The following BAHCC1 variants were observed in gnomAD, a reference collection of about 807,000 sequenced individuals.
BAHCC1 encodes the protein BAH domain and coiled-coil containing 1.
BAHCC1 carries 43 observed loss-of-function variants against 88.2 expected under a neutral mutation model. That is an observed-to-expected ratio of 0.49 (90% CI 0.38 to 0.63). BAHCC1 has a LOEUF of 0.63. Ranked by LOEUF, BAHCC1 falls within the 20% of genes least tolerant of loss-of-function variation. The pLI is 0.00. For missense variants in BAHCC1, 3,023 were observed against 1,654.8 expected (o/e 1.83, Z -14.34); for synonymous variants, 1,510 against 745.5 (o/e 2.03, Z -16.71).
Position 81,441,822 on chromosome 17 carries a change from C to T in BAHCC1, c.482-9C>T, listed in dbSNP as rs782013292. On this transcript the variant is annotated splice_polypyrimidine_tract_variant and intron_variant, in intron 4 of 27. Coordinates refer to ENST00000675386, the MANE Select transcript of BAHCC1 (RefSeq NM_001377448.1). Reference sequence around the variant, plus strand: ...GGCCTCCCATTGACCTTGGCTCTTTCCCACACAGATAACTTCTACCTGCGC... The same window carrying T: ...GGCCTCCCATTGACCTTGGCTCTTTTCCACACAGATAACTTCTACCTGCGC... 1 of 637,308 alleles carries T rather than the reference C, an allele frequency of 1.6e-6. No individual in the cohort carries two copies. The allele number at this position is 637,308 out of a possible 1,614,324, so 39.5% of individuals were successfully genotyped here. A position where few individuals can be genotyped will look rare whatever the true frequency, so the allele number is the denominator to read the frequency against.
chr17:81,464,062 C>T lies in BAHCC1; in HGVS notation c.*245C>T, dbSNP rs1219155270. ...TCGGGCTGTGGCCCTCATGGGTCCC[C>T]GGCCCGCCCCACCCACAGCGCCCTC... On this transcript the variant is annotated 3_prime_UTR_variant, in exon 28 of 28. Coordinates refer to ENST00000675386, the MANE Select transcript of BAHCC1 (RefSeq NM_001377448.1). 13 of 570,664 alleles carry T rather than the reference C, an allele frequency of 2.3e-5. No homozygotes were observed. Among genetic ancestry groups the T allele is most frequent in the African/African-American group, 3.8e-5 (2 of 53,280 alleles). The allele number at this position is 570,664 out of a possible 1,614,324, so 35.4% of individuals were successfully genotyped here.
At chr17:81,446,572 G>A (rs2064532420) in intron 10 of BAHCC1, among the ~76,000 whole-genome samples, 1 of 111,504 alleles carries the variant, frequency 9.0e-6, no homozygotes, top group African/African-American at 3.6e-5. Flanking sequence ...TTTGAGACAG[G>A]GTATCTCCCT....
At chr17:81,403,729 C>A (rs2063844782) in intron 2 of BAHCC1, among the ~76,000 whole-genome samples, 1 of 152,218 alleles carries the variant, frequency 6.6e-6, no homozygotes, top group Non-Finnish European at 1.5e-5. Flanking sequence ...GAGTTACTTT[C>A]CGAAGACGTC....
intron 2 of BAHCC1, chr17:81,400,619 G>A (rs1285628647): frequency 6.5e-6 from 1 of 152,952 alleles, no homozygotes; most frequent in Admixed American, 6.5e-5. Context: ...CGGCGCTCAG[G>A]ATTTCGGTGC....
chr17:81,450,302 G>A (rs1232371534), intron 11 of BAHCC1, among the ~76,000 whole-genome samples: 2 of 152,090 alleles, frequency 1.3e-5, no homozygotes, highest in South Asian at 2.1e-4. Flanking sequence ...TGGGGACCCC[G>A]TTCCTGGTCT....
intron 27 of BAHCC1, 108 bp from the exon 28 acceptor site, chr17:81,463,503 C>G: frequency 1.4e-6 from 1 of 695,856 alleles, no homozygotes; most frequent in Non-Finnish European, 2.6e-6. Context: ...ACACAGAAGT[C>G]CATCCGGTGA....
chr17:81,447,945 G>A (rs529634857), intron 11 of BAHCC1, 97 bp downstream of exon 11: 54 of 675,448 alleles, frequency 8.0e-5, no homozygotes, highest in Non-Finnish European at 1.2e-4. Flanking sequence ...CTTGGGCCCC[G>A]CTCAGTTGTC....
chr17:81,453,187 C>T (rs1177518177), intron 14 of BAHCC1, among the ~76,000 whole-genome samples: 1 of 152,224 alleles, frequency 6.6e-6, no homozygotes, highest in Non-Finnish European at 1.5e-5. Flanking sequence ...GGCGGTGTTG[C>T]GTGCAGGCCT....
chr17:81,452,658 G>T (rs2064663427), intron 13 of BAHCC1, 65 bp from the exon 14 acceptor site: 2 of 655,168 alleles, frequency 3.1e-6, no homozygotes, highest in Non-Finnish European at 5.5e-6. Context: ...AATGCCCTCG[G>T]CTGGAACCTT....
chr17:81,413,255 C>T (rs2063978337), intron 2 of BAHCC1: 2 of 252,520 alleles, frequency 7.9e-6, no homozygotes, highest in Non-Finnish European at 1.6e-5. Context: ...GAGACCTGCC[C>T]TCGGGGGTTT....
chr17:81,410,448 C>T (rs2063935740), intron 2 of BAHCC1, among the ~76,000 whole-genome samples: 1 of 152,210 alleles, frequency 6.6e-6, no homozygotes, highest in Admixed American at 6.5e-5. Context: ...GCACGGGGGT[C>T]CAGCTGCCCC....
chr17:81,406,503 C>A (rs1281200245), intron 2 of BAHCC1, among the ~76,000 whole-genome samples: 1 of 152,230 alleles, frequency 6.6e-6, no homozygotes, highest in Non-Finnish European at 1.5e-5. Flanking sequence ...CGTGCAGTGT[C>A]TGGAAAATCA....
At position 81,456,304 on chromosome 17, in the gene BAHCC1, C is replaced by A. The variant is rs199860933; in HGVS notation, c.4577C>A (p.Ala1526Glu). The change falls in exon 16 of 28, where the codon GCG becomes GAG. Residue 1526 changes from alanine (A) to glutamate (E), a missense_variant. Transcript: ENST00000675386. ...AGLQTASVEK[A>E]QCKKSSCQGG... is the part of the protein sequence containing the mutation. ...GCCCCTCCCTGTTCACAGGAGAAGGCGCAGTGTAAGAAGAGCAGCTGTCAG... is the reference window on the plus strand; with the variant it reads ...GCCCCTCCCTGTTCACAGGAGAAGGAGCAGTGTAAGAAGAGCAGCTGTCAG... 5.6e-6 allele frequency: 4 copies of A among 716,258 alleles called. No individual in the cohort carries two copies. The allele number at this position is 716,258 out of a possible 1,614,324, so 44.4% of individuals were successfully genotyped here.
rs563388325 is a variant in BAHCC1, at chr17:81,435,484, G to A, written c.359-2886G>A. The A allele has an allele frequency of 4.5e-4, 210 of 470,964 alleles. 2 individuals are homozygous for A. Among genetic ancestry groups the A allele is most frequent in the South Asian group, 3.1e-3 (199 of 64,564 alleles). The allele number at this position is 470,964 out of a possible 1,614,324, so 29.2% of individuals were successfully genotyped here. The stretch of plus-strand genomic sequence containing the variant: ...CCTGTGTCCTGACCACCTCTCTGGC[G>A]GTTCGCTTAGCCCAGGGCTTGCCCT... On this transcript the variant is annotated intron_variant, in intron 3 of 27. Transcript: ENST00000675386. This position sits in a 1 kb window ranked among gnomAD's most constrained non-coding sequence, Gnocchi z 4.4.
chr17:81,432,540 C>T (rs1310030133), intron 3 of BAHCC1, among the ~76,000 whole-genome samples: 3 of 146,168 alleles, frequency 2.1e-5, no homozygotes, highest in African/African-American at 7.6e-5. Flanking sequence ...CCCTCCCACC[C>T]ATCACCAGGC....
intron 2 of BAHCC1, chr17:81,413,116 T>C: frequency 2.2e-6 from 1 of 445,682 alleles, no homozygotes; most frequent in Non-Finnish European, 4.5e-6. Flanking sequence ...ATCAGGGCCT[T>C]CTCTGAGGCC....
In BAHCC1 at chr17:81,438,605, G is replaced by T. The variant is rs563981451; in HGVS notation, c.481+113G>T. ...CAGCCTAGGTTAGCCCTCCCACCAG[G>T]TGTCATCGAGGCCAGGGTGGGGGCT... On this transcript the variant is annotated intron_variant, in intron 4 of 27. Transcript: ENST00000675386. 8.9e-6 allele frequency: 6 copies of T among 672,540 alleles called. No individual in the cohort carries two copies. The African/African-American group carries it at 1.1e-4, about 12-fold the overall frequency. The allele number at this position is 672,540 out of a possible 1,614,324, so 41.7% of individuals were successfully genotyped here.
intron 2 of BAHCC1, among the ~76,000 whole-genome samples, chr17:81,413,502 G>A (rs1455739436): frequency 6.6e-6 from 1 of 151,986 alleles, no homozygotes; most frequent in Admixed American, 6.5e-5. Flanking sequence ...CCGCAGCAGC[G>A]GGCCCCTGGA....
At chr17:81,428,193 AG>A (rs2064222364) in intron 3 of BAHCC1, among the ~76,000 whole-genome samples, 1 of 152,036 alleles carries the variant, frequency 6.6e-6, no homozygotes, top group Non-Finnish European at 1.5e-5. Context: ...GGCCTCCTGG[AG>A]GGGAGACCAG....
Sources: gnomAD v4.1 joint callset for allele counts (sites outside exome capture counted in the v4.1 genomes callset) on GRCh38, gnomAD v4.1.1 for gene constraint, Gnocchi (gnomAD v3.1) non-coding constraint, MANE v1.5 for transcripts, NCBI Gene and HGNC (gene_info 2026-07-23, HGNC 2026-07-21) for gene names.